Variants in CLVS1 observed in about 807,000 individuals in gnomAD.
The protein encoded by CLVS1 is clavesin 1.
In CLVS1, 10 loss-of-function variants were observed where a neutral mutation model predicts 33.1. That is an observed-to-expected ratio of 0.30 (90% CI 0.19 to 0.51). CLVS1 has a LOEUF of 0.51. Ranked by LOEUF, CLVS1 falls within the 20% of genes least tolerant of loss-of-function variation. CLVS1 has a pLI of 0.97. For missense variants in CLVS1, 343 were observed against 433.4 expected, an observed-to-expected ratio of 0.79 and a Z score of 1.85; for synonymous variants, 163 against 166.1, an observed-to-expected ratio of 0.98 and a Z score of 0.14.
At chr8:61,345,420 G>A (rs1812177989) in intron 2 of CLVS1, among the ~76,000 whole-genome samples, 1 of 152,232 alleles carries the variant, frequency 6.6e-6, no homozygotes, top group South Asian at 2.1e-4. Context: ...GTAGTAGGAC[G>A]CTCTGATAGG....
At chr8:61,054,081 G>C (rs1051633277), upstream of CLVS1, among the ~76,000 whole-genome samples, 4 of 152,232 alleles carry the variant, frequency 2.6e-5, no homozygotes, top group African/African-American at 9.6e-5. Context: ...TCTGACGCCA[G>C]CTGCTCAATA....
chr8:61,416,823 C>T (rs966852979), intron 3 of CLVS1, among the ~76,000 whole-genome samples: 1 of 152,144 alleles, frequency 6.6e-6, no homozygotes, highest in Admixed American at 6.5e-5. Flanking sequence ...CGTAATCTAC[C>T]AGATTATGGT....
At chr8:61,229,888 A>G (rs1808396267) in intron 2 of CLVS1, among the ~76,000 whole-genome samples, 1 of 152,152 alleles carries the variant, frequency 6.6e-6, no homozygotes. Flanking sequence ...TGGCCTCCCA[A>G]AGAGTGGGAT....
rs1563585201 is a variant in CLVS1 at position 61,500,130 on chromosome 8, A to G, written c.*588A>G. 5 of 152,622 alleles carry G rather than the reference A, an allele frequency of 3.3e-5. No homozygotes were observed. The highest frequency in any genetic ancestry group is 7.3e-5 in the Non-Finnish European group (5 of 68,040). The allele number at this position is 152,622 out of a possible 1,614,324, so 9.5% of individuals were successfully genotyped here. On this transcript the variant is annotated 3_prime_UTR_variant, in exon 6 of 6. Transcript: ENST00000325897. ...GTATTTGCAAAGTTTGCTTATTTTG[A>G]TGATATCCTGCAAAAAATTATTTTG...
intron 2 of CLVS1, among the ~76,000 whole-genome samples, chr8:61,369,056 C>T (rs1421468101): frequency 6.6e-6 from 1 of 151,538 alleles, no homozygotes; most frequent in East Asian, 1.9e-4. Flanking sequence ...TTTCGCTTTT[C>T]TCTTCTTCCC....
chr8:61,409,974 T>C (rs2129603980), intron 3 of CLVS1, among the ~76,000 whole-genome samples: 1 of 152,084 alleles, frequency 6.6e-6, no homozygotes. Context: ...ATTATGTTTT[T>C]CTTAACTTAT....
chr8:60,982,078 A>C, the CLVS1 span, among the ~76,000 whole-genome samples: 4 of 152,224 alleles, frequency 2.6e-5, no homozygotes, highest in African/African-American at 9.6e-5. Context: ...GAACAGAGAA[A>C]ATGTGTAATT....
At chr8:61,497,351 A>G (rs1804300958) in intron 5 of CLVS1, among the ~76,000 whole-genome samples, 1 of 149,672 alleles carries the variant, frequency 6.7e-6, no homozygotes, top group African/African-American at 2.5e-5. Flanking sequence ...CATGAACAGA[A>G]CTTAATTCTC....
At chr8:61,056,395 A>G (rs953836584), upstream of CLVS1, among the ~76,000 whole-genome samples, 1 of 152,228 alleles carries the variant, frequency 6.6e-6, no homozygotes, top group African/African-American at 2.4e-5. Flanking sequence ...CTCCAATAAT[A>G]TCTCAGAAAA....
At chr8:61,345,463 A>AG (rs1812180295) in intron 2 of CLVS1, among the ~76,000 whole-genome samples, 1 of 152,192 alleles carries the variant, frequency 6.6e-6, no homozygotes, top group Non-Finnish European at 1.5e-5. Context: ...ACGGATGCAG[A>AG]GGACACCCTT....
intron 1 of CLVS1, among the ~76,000 whole-genome samples, chr8:61,100,947 A>G (rs1805438022): frequency 6.6e-6 from 1 of 152,200 alleles, no homozygotes; most frequent in Non-Finnish European, 1.5e-5. Flanking sequence ...TTGTATGGAT[A>G]TAATACATTC....
the CLVS1 span, among the ~76,000 whole-genome samples, chr8:61,000,608 A>C: frequency 6.6e-6 from 1 of 152,112 alleles, no homozygotes; most frequent in African/African-American, 2.4e-5. Flanking sequence ...TTTTCACACC[A>C]TTTTGAAAAT....
intron 2 of CLVS1, among the ~76,000 whole-genome samples, chr8:61,136,406 T>C (rs1433213506): frequency 6.6e-6 from 1 of 152,178 alleles, no homozygotes; most frequent in African/African-American, 2.4e-5. Context: ...GCTGTGATTT[T>C]CCAGTTGCAA....
At chr8:61,451,812 CAGAGAGAGAGAG>C (rs71257362) in intron 3 of CLVS1, among the ~76,000 whole-genome samples, 12 of 142,936 alleles carry the variant, frequency 8.4e-5, no homozygotes, top group African/African-American at 1.8e-4. Flanking sequence ...CACACACACA[CAGAGAGAGAGAG>C]AGAGAGAGAG....
intron 5 of CLVS1, among the ~76,000 whole-genome samples, chr8:61,470,668 G>A (rs1479992180): frequency 6.6e-6 from 1 of 152,192 alleles, no homozygotes; most frequent in Non-Finnish European, 1.5e-5. Flanking sequence ...TGTCTTAGGA[G>A]CCGTAATGAG....
At chr8:61,305,705 T>A (rs913615898) in intron 2 of CLVS1, among the ~76,000 whole-genome samples, 5 of 152,158 alleles carry the variant, frequency 3.3e-5, no homozygotes, top group African/African-American at 1.2e-4. Context: ...CCCTCCCTCC[T>A]CCCACTCTCT....
chr8:61,497,288 G>A (rs1226840637), intron 5 of CLVS1, among the ~76,000 whole-genome samples: 5 of 152,164 alleles, frequency 3.3e-5, no homozygotes, highest in Non-Finnish European at 7.3e-5. Flanking sequence ...TGCATAAGGA[G>A]GAGTCCAGGA....
chr8:61,071,293 C>T (rs1004192359), intron 1 of CLVS1, among the ~76,000 whole-genome samples: 12 of 152,148 alleles, frequency 7.9e-5, no homozygotes, highest in South Asian at 2.1e-4. Flanking sequence ...TATTGGGTGC[C>T]GAAATCAAGG....
intron 2 of CLVS1, among the ~76,000 whole-genome samples, chr8:61,243,785 C>A (rs1808746000): frequency 6.6e-6 from 1 of 152,120 alleles, no homozygotes; most frequent in Non-Finnish European, 1.5e-5. Context: ...CAATTATTAG[C>A]TATTTATGTC....
Sources: gnomAD v4.1 joint callset for allele counts (sites outside exome capture counted in the v4.1 genomes callset) on GRCh38, gnomAD v4.1.1 for gene constraint, MANE v1.5 for transcripts, NCBI Gene and HGNC (gene_info 2026-07-23, HGNC 2026-07-21) for gene names.